AVL9: variants seen among roughly 807,000 people sequenced by gnomAD.
AVL9 encodes late secretory pathway protein AVL9 homolog.
Under a neutral mutation model 79.2 loss-of-function variants are expected in AVL9, and 49 were observed. That is an observed-to-expected ratio of 0.62 (90% CI 0.49 to 0.79). The LOEUF (loss-of-function observed/expected upper bound fraction) is 0.79, where lower values mean the gene tolerates loss of function less well. Ranked by LOEUF, AVL9 falls within the 30% of genes least tolerant of loss-of-function variation. The pLI is 0.00. For missense variants in AVL9, 682 were observed against 776.8 expected (o/e 0.88, Z 1.45); for synonymous variants, 299 against 280.6 (o/e 1.07, Z -0.65).
chr7:32,554,138 A>G (rs892602700), intron 7 of AVL9, among the ~76,000 whole-genome samples: 1 of 152,210 alleles, frequency 6.6e-6, no homozygotes, highest in Non-Finnish European at 1.5e-5. Flanking sequence ...TAAAACATCT[A>G]TATATACTTA....
At chr7:32,525,876 G>T (rs543416509) in intron 1 of AVL9, among the ~76,000 whole-genome samples, 1 of 152,116 alleles carries the variant, frequency 6.6e-6, no homozygotes, top group Non-Finnish European at 1.5e-5. Flanking sequence ...CTGTTTTTGG[G>T]GGGGAAAAAC....
intron 1 of AVL9, among the ~76,000 whole-genome samples, chr7:32,515,159 C>T (rs1348756928): frequency 1.3e-5 from 2 of 152,236 alleles, no homozygotes; most frequent in African/African-American, 2.4e-5. Context: ...CCACCTTGGG[C>T]ATGTGTCCTC....
chr7:32,507,931 T>C (rs754419127), intron 1 of AVL9, among the ~76,000 whole-genome samples: 6 of 152,236 alleles, frequency 3.9e-5, no homozygotes, highest in Non-Finnish European at 8.8e-5. Flanking sequence ...GTGGGGTATG[T>C]AGTGTCATCT....
intron 8 of AVL9, among the ~76,000 whole-genome samples, chr7:32,555,306 ACACTC>A (rs1209245307): frequency 6.6e-6 from 1 of 152,162 alleles, no homozygotes; most frequent in East Asian, 1.9e-4. Flanking sequence ...TCGTGCCACT[ACACTC>A]CAGCCTGCAA....
chr7:32,569,999 T>C (rs960500731), intron 10 of AVL9, 21 bp from the exon 11 acceptor site: 1 of 1,613,052 alleles, frequency 6.2e-7, no homozygotes, highest in African/African-American at 1.3e-5. Context: ...TGATATTTTC[T>C]ATTACTCTTC....
chr7:32,547,520 G>T (rs1426696128), intron 3 of AVL9, among the ~76,000 whole-genome samples: 1 of 152,108 alleles, frequency 6.6e-6, no homozygotes, highest in Non-Finnish European at 1.5e-5. Context: ...CTACCAAGTG[G>T]GTCTTATCCC....
chr7:32,500,132 A>G (rs904774875), intron 1 of AVL9, among the ~76,000 whole-genome samples: 1 of 152,272 alleles, frequency 6.6e-6, no homozygotes, highest in African/African-American at 2.4e-5. Flanking sequence ...GCTGGGTCAA[A>G]TGGTATTTCT....
At chr7:32,549,532 C>A (rs892915631) in intron 4 of AVL9, among the ~76,000 whole-genome samples, 2 of 151,788 alleles carry the variant, frequency 1.3e-5, no homozygotes, top group Non-Finnish European at 2.9e-5. Flanking sequence ...CAGCCAAAAT[C>A]TTATTTCATC....
intron 1 of AVL9, among the ~76,000 whole-genome samples, chr7:32,505,156 G>T (rs1218198486): frequency 6.6e-6 from 1 of 151,430 alleles, no homozygotes; most frequent in African/African-American, 2.4e-5. Context: ...TTACAGGTGT[G>T]AATCACTGCA....
intron 3 of AVL9, among the ~76,000 whole-genome samples, chr7:32,545,512 G>T (rs992013492): frequency 7.9e-5 from 12 of 151,576 alleles, no homozygotes; most frequent in African/African-American, 2.4e-4. Context: ...TGGGATACAG[G>T]TGTGTGCCAC....
At chr7:32,529,023 A>G (rs1456640404) in intron 1 of AVL9, among the ~76,000 whole-genome samples, 2 of 152,156 alleles carry the variant, frequency 1.3e-5, no homozygotes, top group Non-Finnish European at 2.9e-5. Flanking sequence ...AAACAAAAAA[A>G]TGTTTATCAT....
intron 13 of AVL9, among the ~76,000 whole-genome samples, chr7:32,577,285 C>T (rs1791146010): frequency 6.6e-6 from 1 of 152,162 alleles, no homozygotes; most frequent in Admixed American, 6.5e-5. Context: ...GCCTAGGCAA[C>T]ATAATGAGAC....
intron 1 of AVL9, 98 bp from the exon 2 acceptor site, chr7:32,543,043 G>T (rs938363339): frequency 2.7e-6 from 4 of 1,493,226 alleles, no homozygotes; most frequent in South Asian, 1.3e-5. Flanking sequence ...GGCTTATCCC[G>T]ACTTCTGTCA....
intron 1 of AVL9, among the ~76,000 whole-genome samples, chr7:32,496,769 T>C (rs1786834211): frequency 1.3e-5 from 2 of 152,190 alleles, no homozygotes; most frequent in Non-Finnish European, 2.9e-5. Context: ...TTAAGTTCTC[T>C]AGGGAATAAG....
chr7:32,506,391 G>A (rs1318861971), intron 1 of AVL9, among the ~76,000 whole-genome samples: 1 of 152,096 alleles, frequency 6.6e-6, no homozygotes, highest in Non-Finnish European at 1.5e-5. Context: ...CAGTCAATCC[G>A]ATAACTAAGA....
intron 1 of AVL9, among the ~76,000 whole-genome samples, chr7:32,516,519 G>A (rs1213961621): frequency 6.6e-6 from 1 of 152,150 alleles, no homozygotes. Flanking sequence ...TGGATTACTA[G>A]GGGCTAAGTG....
At chr7:32,581,908 T>C (rs1327297410) in intron 15 of AVL9, among the ~76,000 whole-genome samples, 1 of 152,252 alleles carries the variant, frequency 6.6e-6, no homozygotes, top group Non-Finnish European at 1.5e-5. Flanking sequence ...GTTTGAACTC[T>C]GTCAAATGTT....
intron 4 of AVL9, among the ~76,000 whole-genome samples, chr7:32,549,992 AT>A (rs1789737188): frequency 6.9e-6 from 1 of 144,022 alleles, no homozygotes; most frequent in Admixed American, 7.2e-5. Context: ...CAGAAAATTG[AT>A]CAATTATTCA....
intron 11 of AVL9, among the ~76,000 whole-genome samples, chr7:32,572,161 CAAAAAAAAAAG>C (rs1790876127): frequency 8.6e-6 from 1 of 116,032 alleles, no homozygotes; most frequent in African/African-American, 3.7e-5. Flanking sequence ...AATTCTGTCT[CAAAAAAAAAAG>C]AAAAAAAAAA....
Sources: gnomAD v4.1 joint callset for allele counts (sites outside exome capture counted in the v4.1 genomes callset) on GRCh38, gnomAD v4.1.1 for gene constraint, MANE v1.5 for transcripts, NCBI Gene and HGNC (gene_info 2026-07-23, HGNC 2026-07-21) for gene names.